Variants in NELL1 observed in about 807,000 individuals in gnomAD.
NELL1 encodes the protein neural EGFL like 1.
In NELL1, 76 loss-of-function variants were observed where a neutral mutation model predicts 107.4. The ratio of observed to expected loss-of-function variants is 0.71; its 90% CI spans 0.59 to 0.86. The LOEUF (loss-of-function observed/expected upper bound fraction) is 0.86. Ranked by LOEUF, NELL1 falls within the 40% of genes least tolerant of loss-of-function variation. The pLI is 0.00. For synonymous variants in NELL1, 353 were observed against 341.2 expected (o/e 1.03, Z -0.38); for missense variants, 1,024 against 1,005.5 (o/e 1.02, Z -0.25).
At chr11:21,097,126 A>ACTCCAC (rs143575743) in intron 12 of NELL1, among the ~76,000 whole-genome samples, 3,386 of 151,498 alleles carry the variant, frequency 0.022, 90 homozygotes, top group South Asian at 0.15. Flanking sequence ...GCACACTCTC[A>ACTCCAC]CTCCACTCAT....
intron 15 of NELL1, among the ~76,000 whole-genome samples, chr11:21,520,749 C>T (rs1855705281): frequency 6.6e-6 from 1 of 152,164 alleles, no homozygotes; most frequent in Admixed American, 6.5e-5. Flanking sequence ...AGCCCCGGCC[C>T]CTCCCCATGC....
chr11:21,336,674 T>TATATACACACACAC (rs55720144), intron 14 of NELL1, among the ~76,000 whole-genome samples: 15 of 130,536 alleles, frequency 1.1e-4, no homozygotes, highest in Admixed American at 1.0e-3. Flanking sequence ...TATATATATA[T>TATATACACACACAC]ACACACACAC....
At chr11:21,439,852 A>G (rs1554912391) in intron 15 of NELL1, among the ~76,000 whole-genome samples, 1 of 151,918 alleles carries the variant, frequency 6.6e-6, no homozygotes, top group Non-Finnish European at 1.5e-5. Flanking sequence ...TTCTAGCACC[A>G]TTTTTTTCCA....
chr11:20,697,842 T>C (rs1008659291), intron 2 of NELL1, among the ~76,000 whole-genome samples: 2 of 152,182 alleles, frequency 1.3e-5, no homozygotes, highest in African/African-American at 4.8e-5. Flanking sequence ...ATGTGGTTTC[T>C]TTTTCATAGG....
chr11:21,162,918 A>G (rs910751207), intron 13 of NELL1, among the ~76,000 whole-genome samples: 6 of 152,210 alleles, frequency 3.9e-5, no homozygotes, highest in Admixed American at 3.3e-4. Context: ...GCTGGTATAT[A>G]CCCAAGATGT....
At chr11:21,013,730 T>A (rs1470418987) in intron 12 of NELL1, among the ~76,000 whole-genome samples, 2 of 152,152 alleles carry the variant, frequency 1.3e-5, no homozygotes, top group Non-Finnish European at 2.9e-5. Flanking sequence ...GAACCAATGT[T>A]AATACACTGT....
At chr11:21,058,239 A>G (rs544351123) in intron 12 of NELL1, among the ~76,000 whole-genome samples, 2 of 152,240 alleles carry the variant, frequency 1.3e-5, no homozygotes, top group South Asian at 2.1e-4. Flanking sequence ...GTTCATTACA[A>G]TTTTTTAAAA....
chr11:21,443,549 T>C (rs1853345361), intron 15 of NELL1, among the ~76,000 whole-genome samples: 1 of 152,054 alleles, frequency 6.6e-6, no homozygotes, highest in South Asian at 2.1e-4. Context: ...CTTTTATTTT[T>C]TTTTCAAAAT....
intron 12 of NELL1, among the ~76,000 whole-genome samples, chr11:21,020,503 T>C (rs1320000682): frequency 6.7e-6 from 1 of 148,838 alleles, no homozygotes; most frequent in Non-Finnish European, 1.5e-5. Flanking sequence ...GTTAGTTTTG[T>C]TTTTTTTTCT....
In NELL1 at chr11:21,094,795, C is replaced by T. The variant is rs2090398; in HGVS notation, c.1301-18794C>T. Among the ~76,000 whole-genome samples, 607 of 152,318 alleles carry T rather than the reference C, an allele frequency of 4.0e-3. 4 individuals are homozygous for T. The highest frequency in any genetic ancestry group is 0.014 in the African/African-American group (563 of 41,588). ...TGCACATAGCACGAAGACCCTGGGC[C>T]TGGCCCACAAAACCATTTTCTTCTA... On this transcript the variant is annotated intron_variant, in intron 12 of 19. Coordinates refer to ENST00000357134, the MANE Select transcript of NELL1 (RefSeq NM_006157.5).
In NELL1 at chr11:21,053,990, G is replaced by A. The variant is rs140492905; in HGVS notation, c.1301-59599G>A. 5.1e-3 allele frequency among the ~76,000 whole-genome samples: 780 copies of A among 152,106 alleles called. 3 individuals are homozygous for A. Among genetic ancestry groups the A allele is most frequent in the Non-Finnish European group, 9.5e-3 (648 of 67,972 alleles). On this transcript the variant is annotated intron_variant, in intron 12 of 19. Transcript: ENST00000357134. ...TCACTATTTTGTAGGTTCTTCCTAC[G>A]TATCTTTCAAAACATGATTGCTTTC...
chr11:20,959,473 A>G (rs574262344), intron 11 of NELL1, among the ~76,000 whole-genome samples: 1 of 152,214 alleles, frequency 6.6e-6, no homozygotes, highest in Non-Finnish European at 1.5e-5. Context: ...TAGATGATGG[A>G]ATACTACTCA....
At chr11:20,712,947 G>A (rs903324123) in intron 2 of NELL1, among the ~76,000 whole-genome samples, 6 of 152,158 alleles carry the variant, frequency 3.9e-5, no homozygotes, top group Non-Finnish European at 5.9e-5. Context: ...TTACTTTCTC[G>A]AATGCTAGTT....
At chr11:20,890,541 G>A (rs1849596936) in intron 5 of NELL1, among the ~76,000 whole-genome samples, 1 of 152,042 alleles carries the variant, frequency 6.6e-6, no homozygotes, top group Non-Finnish European at 1.5e-5. Context: ...GGCTTCAGAA[G>A]GTGGGTAATA....
At chr11:21,284,643 G>A (rs1380702339) in intron 14 of NELL1, 1 of 400,240 alleles carries the variant, frequency 2.5e-6, no homozygotes, top group African/African-American at 2.0e-5. Flanking sequence ...TGTCTGCACA[G>A]GTTTGATTGG....
At chr11:21,570,333 G>C (rs1222482015) in intron 17 of NELL1, among the ~76,000 whole-genome samples, 1 of 151,774 alleles carries the variant, frequency 6.6e-6, no homozygotes, top group African/African-American at 2.4e-5. Flanking sequence ...GGCATAATCA[G>C]ACTTCCTTTC....
rs1855160062 is a variant in NELL1, at chr11:21,113,681, G to A, written c.1393G>A (p.Gly465Arg). 6.2e-7 allele frequency: 1 copy of A among 1,612,040 alleles called. No individual in the cohort carries two copies. Among genetic ancestry groups the A allele is most frequent in the Non-Finnish European group, 8.5e-7 (1 of 1,178,648 alleles). The change falls in exon 13 of 20, where the codon GGA becomes AGA. Residue 465 changes from glycine (G) to arginine (R), a missense_variant. Gly to Arg is a moderately radical substitution (Grantham distance 125). Transcript: ENST00000357134. ...GTTATATCGCTGTGACTGTGTCCCAGGATACATTCGTGTGGATGACTTCTC... is the reference window on the plus strand; with the variant it reads ...GTTATATCGCTGTGACTGTGTCCCAAGATACATTCGTGTGGATGACTTCTC... ...PGLYRCDCVP[G>R]YIRVDDFSCT... is the part of the protein sequence containing the mutation.
chr11:21,103,369 A>T (rs140842724), intron 12 of NELL1, among the ~76,000 whole-genome samples: 1 of 152,294 alleles, frequency 6.6e-6, no homozygotes, highest in East Asian at 1.9e-4. Context: ...AGAAATGTGA[A>T]TACTTTTAAA....
intron 12 of NELL1, among the ~76,000 whole-genome samples, chr11:20,991,954 T>G (rs1851982921): frequency 7.3e-6 from 1 of 136,246 alleles, no homozygotes; most frequent in Non-Finnish European, 1.5e-5. Context: ...TAACAACCCC[T>G]CTCCTTCTTT....
Sources: gnomAD v4.1 joint callset for allele counts (sites outside exome capture counted in the v4.1 genomes callset) on GRCh38, gnomAD v4.1.1 for gene constraint, MANE v1.5 for transcripts, NCBI Gene and HGNC (gene_info 2026-07-23, HGNC 2026-07-21) for gene names.